The following CTNNA2 variants were observed in gnomAD, a reference collection of about 807,000 sequenced individuals.
CTNNA2 encodes catenin alpha-2.
Under a neutral mutation model 101.0 loss-of-function variants are expected in CTNNA2, and 42 were observed. That is an observed-to-expected ratio of 0.42 (90% CI 0.32 to 0.54). The LOEUF (loss-of-function observed/expected upper bound fraction) is 0.54. Ranked by LOEUF, CTNNA2 falls within the 20% of genes least tolerant of loss-of-function variation. The pLI is 0.14. For missense variants in CTNNA2, 871 were observed against 1,223.1 expected (o/e 0.71, Z 4.29); for synonymous variants, 450 against 456.4 (o/e 0.99, Z 0.18).
At chr2:79,430,296 A>G (rs945542260) in intron 4 of CTNNA2, among the ~76,000 whole-genome samples, 1 of 152,188 alleles carries the variant, frequency 6.6e-6, no homozygotes, top group African/African-American at 2.4e-5. Context: ...TGAAATTGAT[A>G]TATATCACAC....
intron 7 of CTNNA2, among the ~76,000 whole-genome samples, chr2:80,280,858 G>A (rs1573586614): frequency 3.9e-5 from 6 of 152,030 alleles, no homozygotes; most frequent in African/African-American, 1.4e-4. Flanking sequence ...AAACCATGAT[G>A]CATATAGGGT....
chr2:79,670,498 C>T (rs1682763936), intron 2 of CTNNA2, among the ~76,000 whole-genome samples: 1 of 152,112 alleles, frequency 6.6e-6, no homozygotes, highest in East Asian at 1.9e-4. Context: ...AGGGCGCTTC[C>T]GTGCTGCAGC....
chr2:79,411,396 G>T (rs1211076823), intron 4 of CTNNA2, among the ~76,000 whole-genome samples: 1 of 151,868 alleles, frequency 6.6e-6, no homozygotes, highest in Non-Finnish European at 1.5e-5. Context: ...TGATGTTAGG[G>T]TGTCAATTTT....
chr2:79,635,124 C>A (rs980266023), intron 1 of CTNNA2, among the ~76,000 whole-genome samples: 4 of 151,860 alleles, frequency 2.6e-5, no homozygotes, highest in Non-Finnish European at 5.9e-5. Context: ...ATTAAGGCAG[C>A]GGTGGTGGAG....
At chr2:80,043,069 TTCTTTCTTTCTTTCTTTCTTTCTTTC>T (rs1696216824) in intron 7 of CTNNA2, among the ~76,000 whole-genome samples, 1 of 54,272 alleles carries the variant, frequency 1.8e-5, no homozygotes, top group African/African-American at 8.2e-5. Context: ...CTTTCTTTCT[TTCTTTCTTTCTTTCTTTCTTTCTTTC>T]TCTCTCTCTC....
At chr2:79,424,423 G>T (rs954596684) in intron 4 of CTNNA2, among the ~76,000 whole-genome samples, 24 of 152,068 alleles carry the variant, frequency 1.6e-4, no homozygotes, top group Admixed American at 1.5e-3. Context: ...GAGCAGGATT[G>T]TCAACTTCAC....
chr2:80,638,167 A>G (rs1322207631), intron 18 of CTNNA2, among the ~76,000 whole-genome samples: 1 of 152,190 alleles, frequency 6.6e-6, no homozygotes, highest in African/African-American at 2.4e-5. Flanking sequence ...TCGGTAAGGC[A>G]AAAAGGAGGC....
At chr2:79,908,973 T>G (rs4413184) in intron 6 of CTNNA2, among the ~76,000 whole-genome samples, 10 of 152,356 alleles carry the variant, frequency 6.6e-5, no homozygotes, top group Admixed American at 6.5e-4. Flanking sequence ...TTATATAGGC[T>G]CCTTCCAAAC....
At chr2:80,260,055 T>G (rs1336504244) in intron 7 of CTNNA2, among the ~76,000 whole-genome samples, 1 of 152,222 alleles carries the variant, frequency 6.6e-6, no homozygotes, top group Non-Finnish European at 1.5e-5. Flanking sequence ...GTCACAGTAA[T>G]CCAATGAGCT....
At chr2:80,552,266 A>G (rs1027949140) in intron 11 of CTNNA2, among the ~76,000 whole-genome samples, 3 of 152,304 alleles carry the variant, frequency 2.0e-5, no homozygotes, top group South Asian at 4.2e-4. Context: ...TGCTGTTGGA[A>G]CAATGGCACC....
At chr2:80,488,347 G>T (rs1365527058) in intron 9 of CTNNA2, among the ~76,000 whole-genome samples, 1 of 151,756 alleles carries the variant, frequency 6.6e-6, no homozygotes, top group Non-Finnish European at 1.5e-5. Context: ...TGGTTAATAG[G>T]GTATATGTCT....
At chr2:80,230,783 C>T (rs961871879) in intron 7 of CTNNA2, among the ~76,000 whole-genome samples, 4 of 152,130 alleles carry the variant, frequency 2.6e-5, no homozygotes, top group African/African-American at 9.7e-5. Flanking sequence ...AAAACTGGAG[C>T]TACTAGGTAG....
In CTNNA2 at chr2:80,503,351, G is replaced by A. The variant is rs537361204; in HGVS notation, c.1291-41631G>A. Among the ~76,000 whole-genome samples the A allele has an allele frequency of 5.3e-5, 8 of 152,164 alleles. No homozygotes were observed. In the South Asian group the frequency reaches 6.2e-4, roughly 12 times the overall value. On this transcript the variant is annotated intron_variant, in intron 9 of 18. Transcript: ENST00000402739. ...AGCTTACATAGCTTAGATGTTTTCCGCACAATCACACAGTAGACAATGCTA... is the reference window on the plus strand; with the variant it reads ...AGCTTACATAGCTTAGATGTTTTCCACACAATCACACAGTAGACAATGCTA...
chr2:79,709,412 A>G (rs934283049), intron 2 of CTNNA2, among the ~76,000 whole-genome samples: 1 of 152,144 alleles, frequency 6.6e-6, no homozygotes, highest in Non-Finnish European at 1.5e-5. Flanking sequence ...ACTCAGGTCA[A>G]TGGGAAAGTC....
At chr2:79,662,635 A>G (rs1361164546) in intron 2 of CTNNA2, among the ~76,000 whole-genome samples, 1 of 152,158 alleles carries the variant, frequency 6.6e-6, no homozygotes, top group Non-Finnish European at 1.5e-5. Flanking sequence ...TCAACTAGCA[A>G]ACTAATTAAA....
chr2:79,269,200 C>T (rs1675029349), intron 2 of CTNNA2, among the ~76,000 whole-genome samples: 2 of 152,064 alleles, frequency 1.3e-5, no homozygotes, highest in South Asian at 4.1e-4. Flanking sequence ...AGTTAAAAAG[C>T]TAAGCACCTG....
chr2:79,865,704 G>T (rs1011984778), intron 4 of CTNNA2, among the ~76,000 whole-genome samples: 1 of 152,124 alleles, frequency 6.6e-6, no homozygotes, highest in Non-Finnish European at 1.5e-5. Context: ...TGAATTATAG[G>T]GCTGCTTTAT....
Position 79,306,347 on chromosome 2 carries a change from A to G in CTNNA2, c.-405-6362A>G, listed in dbSNP as rs116311664. Among the ~76,000 whole-genome samples, 1,328 of 152,328 alleles carry G rather than the reference A, an allele frequency of 8.7e-3. 21 individuals carry two copies. Among genetic ancestry groups the G allele is most frequent in the African/African-American group, 0.03 (1,242 of 41,580 alleles). On this transcript the variant is annotated intron_variant, in intron 2 of 21. Coordinates refer to the CTNNA2 transcript ENST00000466387. ...ATATTATATATTTGAAAATTACTAAATAGATGTTGTGTTGTCACAAAAAAT... is the reference window on the plus strand; with the variant it reads ...ATATTATATATTTGAAAATTACTAAGTAGATGTTGTGTTGTCACAAAAAAT...
At chr2:79,929,975 G>A (rs1687277526) in intron 7 of CTNNA2, among the ~76,000 whole-genome samples, 2 of 152,070 alleles carry the variant, frequency 1.3e-5, no homozygotes, top group Admixed American at 1.3e-4. Flanking sequence ...GGTGGCAAAT[G>A]CCTGTAATCC....
Sources: gnomAD v4.1 joint callset for allele counts (sites outside exome capture counted in the v4.1 genomes callset) on GRCh38, gnomAD v4.1.1 for gene constraint, MANE v1.5 for transcripts, NCBI Gene and HGNC (gene_info 2026-07-23, HGNC 2026-07-21) for gene names.